RNF185: variants seen among roughly 807,000 people sequenced by gnomAD.
RNF185 encodes E3 ubiquitin-protein ligase RNF185.
Under a neutral mutation model 24.9 loss-of-function variants are expected in RNF185, and 13 were observed. The observed-to-expected ratio is 0.52, with a 90% CI of 0.34 to 0.83. The LOEUF (loss-of-function observed/expected upper bound fraction) is 0.83. Among genes scored for constraint, RNF185 ranks in the 40% least tolerant of loss-of-function variants. RNF185 has a pLI of 0.01. For missense variants in RNF185, 184 were observed against 244.7 expected, an observed-to-expected ratio of 0.75 and a Z score of 1.65; for synonymous variants, 79 against 90.3, an observed-to-expected ratio of 0.88 and a Z score of 0.71.
At chr22:31,169,101 A>G (rs139071110) in intron 1 of RNF185, among the ~76,000 whole-genome samples, 7 of 152,176 alleles carry the variant, frequency 4.6e-5, no homozygotes, top group African/African-American at 1.7e-4. Flanking sequence ...AGTAGAGACA[A>G]GGTTTCACCA....
At chr22:31,176,424 C>T (rs1356509937) in intron 1 of RNF185, among the ~76,000 whole-genome samples, 1 of 150,450 alleles carries the variant, frequency 6.6e-6, no homozygotes, top group African/African-American at 2.4e-5. Context: ...GCAGGTATGA[C>T]CCACCGCACC....
Position 31,207,003 on chromosome 22 carries a change from G to A in RNF185, c.*2417G>A, listed in dbSNP as rs1393662934. On this transcript the variant is annotated 3_prime_UTR_variant, in exon 7 of 7. Transcript: ENST00000326132. ...GATTTGATTTAGAATTAAACAAATG[G>A]TTTTACATTACTATGAGCTTGGACT... 2.0e-5 allele frequency: 3 copies of A among 152,234 alleles called. No individual in the cohort carries two copies. The highest frequency in any genetic ancestry group is 4.4e-5 in the Non-Finnish European group (3 of 68,062). 9.4% of individuals were successfully genotyped at this position (152,234 alleles called of 1,614,324 possible).
At chr22:31,199,659 T>C (rs781742114) in intron 5 of RNF185, among the ~76,000 whole-genome samples, 126 of 152,346 alleles carry the variant, frequency 8.3e-4, no homozygotes, top group Middle Eastern at 3.4e-3. Context: ...CTGTGGTTCC[T>C]GATGAAACAA....
intron 2 of RNF185, among the ~76,000 whole-genome samples, chr22:31,189,135 A>ATG (rs202051750): frequency 0.017 from 2,387 of 136,870 alleles, 33 homozygotes; most frequent in Middle Eastern, 0.067. Context: ...CAAAAAAAAA[A>ATG]TGTGTGTGTG....
chr22:31,194,773 G>A (rs1271942651), intron 3 of RNF185, among the ~76,000 whole-genome samples: 1 of 151,918 alleles, frequency 6.6e-6, no homozygotes, highest in African/African-American at 2.4e-5. Flanking sequence ...ATGACTGACA[G>A]GAAAATACAG....
intron 5 of RNF185, among the ~76,000 whole-genome samples, chr22:31,199,137 C>T (rs2048238164): frequency 1.3e-5 from 2 of 151,786 alleles, no homozygotes; most frequent in Admixed American, 6.6e-5. Context: ...TTAAGGTTCT[C>T]TTCTCCGGAT....
At chr22:31,180,913 CTCTGTGTGTGTGTGTGTG>C (rs2048029458) in intron 1 of RNF185, among the ~76,000 whole-genome samples, 1 of 60,862 alleles carries the variant, frequency 1.6e-5, no homozygotes, top group South Asian at 4.7e-4. Context: ...TTCTCTCTCT[CTCTGTGTGTGTGTGTGTG>C]TGTGTGTGTG....
rs1424891302 is a variant in RNF185 at position 31,195,530 on chromosome 22, A to G, written c.257A>G (p.Asp86Gly). 2 of 1,611,764 alleles carry G rather than the reference A, an allele frequency of 1.2e-6. No homozygotes were observed. The highest frequency in any genetic ancestry group is 1.7e-6 in the Non-Finnish European group (2 of 1,178,994). ...GTTTGCAAAGCTGGCATCAGCCGAG[A>G]CAAGGTCATCCCCCTCTATGGAAGG... is the stretch of plus-strand genomic sequence containing the variant. ...CPVCKAGISR[D>G]KVIPLYGRGS... The change falls in exon 4 of 7, where the codon GAC (aspartate) becomes GGC (glycine). Residue 86 changes from aspartate (D) to glycine (G), a missense_variant. Transcript: ENST00000326132.
intron 1 of RNF185, among the ~76,000 whole-genome samples, chr22:31,166,578 T>TCTTCCC (rs1053576401): frequency 2.7e-5 from 4 of 150,870 alleles, no homozygotes; most frequent in Admixed American, 1.3e-4. Flanking sequence ...TTCTTCTTCT[T>TCTTCCC]CTTCCCCTTC....
intron 1 of RNF185, among the ~76,000 whole-genome samples, chr22:31,176,596 C>G (rs1329239702): frequency 1.3e-5 from 2 of 151,342 alleles, no homozygotes; most frequent in Non-Finnish European, 2.9e-5. Context: ...TCACACCATT[C>G]TCCTGCCTCA....
intron 1 of RNF185, among the ~76,000 whole-genome samples, chr22:31,176,648 C>T (rs907809760): frequency 6.6e-6 from 1 of 151,846 alleles, no homozygotes; most frequent in African/African-American, 2.4e-5. Flanking sequence ...GCCACCATGC[C>T]CGGCTAATTT....
At chr22:31,170,131 C>G (rs1924186076) in intron 1 of RNF185, among the ~76,000 whole-genome samples, 1 of 152,144 alleles carries the variant, frequency 6.6e-6, no homozygotes, top group African/African-American at 2.4e-5. Flanking sequence ...TACTCGCTCT[C>G]TTAATTGCTC....
intron 1 of RNF185, among the ~76,000 whole-genome samples, chr22:31,163,159 C>G (rs1923685917): frequency 6.6e-6 from 1 of 152,188 alleles, no homozygotes; most frequent in South Asian, 2.1e-4. Flanking sequence ...TCATTTCAGT[C>G]ACACCCATTT....
chr22:31,181,471 ATTTTTAT>A (rs2048036026), intron 1 of RNF185, among the ~76,000 whole-genome samples: 1 of 152,134 alleles, frequency 6.6e-6, no homozygotes, highest in African/African-American at 2.4e-5. Context: ...TTTTCTCTCC[ATTTTTAT>A]TTTTTTCCCC....
At chr22:31,166,270 C>T (rs1481526824) in intron 1 of RNF185, among the ~76,000 whole-genome samples, 1 of 152,054 alleles carries the variant, frequency 6.6e-6, no homozygotes, top group East Asian at 1.9e-4. Flanking sequence ...GGATTACAGG[C>T]ATGAGCCACC....
chr22:31,184,166 G>A (rs549155648), intron 1 of RNF185, among the ~76,000 whole-genome samples: 118 of 151,930 alleles, frequency 7.8e-4, no homozygotes, highest in Middle Eastern at 3.4e-3. Context: ...CGGACGGGGC[G>A]GCTGCCGGGC....
chr22:31,173,299 C>A (rs1429346812), intron 1 of RNF185, among the ~76,000 whole-genome samples: 1 of 151,142 alleles, frequency 6.6e-6, no homozygotes, highest in East Asian at 1.9e-4. Context: ...CAGTTCTGAA[C>A]AGCATGTTTT....
intron 5 of RNF185, among the ~76,000 whole-genome samples, chr22:31,199,095 G>A (rs1212333578): frequency 7.6e-5 from 5 of 65,534 alleles, no homozygotes; most frequent in Non-Finnish European, 1.3e-4. Flanking sequence ...GCAAGACTCT[G>A]TCTCAAAAAA....
At chr22:31,166,481 A>G (rs922913942) in intron 1 of RNF185, among the ~76,000 whole-genome samples, 6 of 152,074 alleles carry the variant, frequency 3.9e-5, no homozygotes, top group Non-Finnish European at 8.8e-5. Context: ...GCTTTTTCTT[A>G]TTAACATCTA....
Sources: allele counts gnomAD v4.1 joint callset (sites outside exome capture counted in the v4.1 genomes callset), GRCh38; gene constraint gnomAD v4.1.1; transcripts MANE v1.5; gene names NCBI Gene and HGNC (gene_info 2026-07-23, HGNC 2026-07-21).